Variants in VCAN observed in about 807,000 individuals in gnomAD.
VCAN encodes versican core protein.
Under a neutral mutation model 245.5 loss-of-function variants are expected in VCAN, and 44 were observed. The observed-to-expected ratio is 0.18, with a 90% CI of 0.14 to 0.23. VCAN has a LOEUF of 0.23. VCAN is among the 10% of genes least tolerant of loss of function. The probability of loss-of-function intolerance (pLI) is 1.00; values close to 1 mark genes in which losing one functional copy is unlikely to be tolerated. For synonymous variants in VCAN, 1,413 were observed against 1,437.0 expected (o/e 0.98, Z 0.38); for missense variants, 3,793 against 4,057.9 (o/e 0.93, Z 1.77).
intron 12 of VCAN, among the ~76,000 whole-genome samples, chr5:83,558,010 T>C (rs1000136634): frequency 2.0e-5 from 3 of 152,188 alleles, no homozygotes; most frequent in African/African-American, 7.2e-5. Flanking sequence ...TGCTAAGGAA[T>C]GTCCCTTAAC....
At position 83,548,065 on chromosome 5, in the gene VCAN, T is replaced by C; in HGVS notation, c.9474T>C (p.Val3158=). The C allele has an allele frequency of 6.2e-7, 1 of 1,613,872 alleles. No individual in the cohort carries two copies. Among genetic ancestry groups the C allele is most frequent in the Non-Finnish European group, 8.5e-7 (1 of 1,179,768 alleles). ...TFRCLCLPSY[V]GALCEQDTET... ...GGTGCCTCTGCCTTCCAAGTTATGT[T>C]GGTGCACTTTGTGAGCAAGGTAAGA... Residue 3158 remains valine, a synonymous_variant, in exon 10 of 15, where the codon GTT becomes GTC. Transcript: ENST00000265077.
rs1260428189 is a variant in VCAN at position 83,521,791 on chromosome 5, C to T, written c.3485C>T (p.Thr1162Ile). 1 of 1,614,174 alleles carries T rather than the reference C, an allele frequency of 6.2e-7. No homozygotes were observed. Among genetic ancestry groups the T allele is most frequent in the Admixed American group, 1.7e-5 (1 of 60,018 alleles). Reference protein sequence around the residue: ...SSLSPFSTHITQLMEETTTEK... With the variant: ...SSLSPFSTHIIQLMEETTTEK... ...TTGAGTCCTTTTAGTACCCACATTA[C>T]CCAGCTTATGGAAGAAACCACTACT... Residue 1162 changes from threonine to isoleucine, a missense_variant, in exon 7 of 15, where the codon ACC becomes ATC. Around this residue, in one of 5 missense-constraint regions of VCAN, gnomAD observed 3,182 missense variants for 3,250.3 expected, o/e 0.98. Coordinates refer to ENST00000265077, the MANE Select transcript of VCAN (RefSeq NM_004385.5).
Position 83,552,680 on chromosome 5 carries a change from T to C in VCAN, c.9494-684T>C, listed in dbSNP as rs752272120. Among the ~76,000 whole-genome samples, 11 of 152,144 alleles carry C rather than the reference T, an allele frequency of 7.2e-5. 1 individual carries two copies. The highest frequency in any genetic ancestry group is 1.6e-4 in the Non-Finnish European group (11 of 68,008). On this transcript the variant is annotated intron_variant, in intron 10 of 14. Transcript: ENST00000265077. The stretch of plus-strand genomic sequence containing the variant: ...CACACACACACATATGTATATGACC[T>C]GGTGGAATGGGGGGGTGAGTTAAAT...
chr5:83,490,121 G>T lies in VCAN; in HGVS notation c.94G>T (p.Val32Leu). 6.2e-7 allele frequency: 1 copy of T among 1,614,018 alleles called. No individual in the cohort carries two copies. The highest frequency in any genetic ancestry group is 8.5e-7 in the Non-Finnish European group (1 of 1,180,008). Reference sequence around the variant, plus strand: ...AGTCAAAGTGGGAAAAAGCCCACCGGTGAGGGGCTCCCTCTCTGGAAAAGT... The same window carrying T: ...AGTCAAAGTGGGAAAAAGCCCACCGTTGAGGGGCTCCCTCTCTGGAAAAGT... ...HKVKVGKSPP[V>L]RGSLSGKVSL... Residue 32 changes from valine (V) to leucine (L), a missense_variant, in exon 3 of 15, where the codon GTG becomes TTG. This residue lies in a region of VCAN where 179 missense variants were observed against 169.7 expected (regional missense o/e 1.05). Coordinates refer to ENST00000265077, the MANE Select transcript of VCAN (RefSeq NM_004385.5).
intron 12 of VCAN, among the ~76,000 whole-genome samples, chr5:83,565,073 C>T (rs866215138): frequency 7.2e-5 from 11 of 152,170 alleles, no homozygotes; most frequent in Middle Eastern, 3.4e-3. Flanking sequence ...AGATTTGCCG[C>T]CCCAGTTATA....
intron 2 of VCAN, among the ~76,000 whole-genome samples, chr5:83,486,644 A>G (rs1246369292): frequency 5.3e-5 from 8 of 152,200 alleles, no homozygotes; most frequent in African/African-American, 1.9e-4. Flanking sequence ...CTTTCCACTT[A>G]AAGAAAGAAC....
rs886060819 is a variant in VCAN, at chr5:83,521,243, C to T, written c.2937C>T (p.Pro979=). The T allele has an allele frequency of 2.5e-6, 4 of 1,614,036 alleles. No homozygotes were observed. The highest frequency in any genetic ancestry group is 1.6e-4 in the Middle Eastern group (1 of 6,062). Residue 979 remains proline, a synonymous_variant, in exon 7 of 15, where the codon CCC becomes CCT. Transcript: ENST00000265077. Reference sequence around the variant, plus strand: ...ATACCATTCCTCTTTCTGTAATTCCCAAGACAGACTGGGGAGTGTTAGTAC... The same window carrying T: ...ATACCATTCCTCTTTCTGTAATTCCTAAGACAGACTGGGGAGTGTTAGTAC... ...SSHTIPLSVI[P]KTDWGVLVPS... is the part of the protein sequence containing the mutation.
At chr5:83,479,178 C>T (rs776290455) in intron 1 of VCAN, among the ~76,000 whole-genome samples, 6 of 152,090 alleles carry the variant, frequency 3.9e-5, no homozygotes, top group Non-Finnish European at 8.8e-5. Context: ...TCATTACATC[C>T]ACTTTGTAGC....
intron 13 of VCAN, among the ~76,000 whole-genome samples, chr5:83,573,960 A>C (rs188872132): frequency 4.6e-5 from 7 of 152,328 alleles, no homozygotes; most frequent in African/African-American, 1.7e-4. Flanking sequence ...GGAAGTTTCA[A>C]TATTTTTATA....
In VCAN at chr5:83,571,170, GAACA is replaced by G. The variant is rs146681500; in HGVS notation, c.9736-1238_9736-1235del. On this transcript the variant is annotated intron_variant, in intron 12 of 14. Coordinates refer to ENST00000265077, the MANE Select transcript of VCAN (RefSeq NM_004385.5). Reference sequence around the variant, plus strand: ...GCTCAAATTGACCCAGAAAGGCGCTGAACAAACAAACTTGTCTCATACCACATTC... The same window carrying G: ...GCTCAAATTGACCCAGAAAGGCGCTGAACAAACTTGTCTCATACCACATTC... Among the ~76,000 whole-genome samples the G allele has an allele frequency of 1.5e-3, 235 of 152,286 alleles. 1 individual carries two copies. Among genetic ancestry groups the G allele is most frequent in the African/African-American group, 5.4e-3 (224 of 41,564 alleles).
intron 1 of VCAN, 135 bp from the exon 2 acceptor site, chr5:83,483,378 A>T (rs535680684): frequency 1.4e-6 from 1 of 701,648 alleles, no homozygotes; most frequent in African/African-American, 1.8e-5. Context: ...GTCCAAGAGG[A>T]GCTACTTCTT....
At chr5:83,545,420 C>A in intron 8 of VCAN, 117 bp from the exon 9 acceptor site, 1 of 831,050 alleles carries the variant, frequency 1.2e-6, no homozygotes, top group South Asian at 1.3e-5. Context: ...TGTAGTAACT[C>A]TAAATTGCTA....
At chr5:83,568,013 C>G (rs562599744) in intron 12 of VCAN, among the ~76,000 whole-genome samples, 1 of 152,192 alleles carries the variant, frequency 6.6e-6, no homozygotes, top group African/African-American at 2.4e-5. Context: ...ATATGAGACA[C>G]CATATTGTGC....
chr5:83,475,740 C>T (rs937545129), intron 1 of VCAN, among the ~76,000 whole-genome samples: 2 of 152,150 alleles, frequency 1.3e-5, no homozygotes, highest in Admixed American at 6.5e-5. Flanking sequence ...TGTGATTGAG[C>T]AATTACTTCC....
chr5:83,552,648 A>G (rs1382587801), intron 10 of VCAN, among the ~76,000 whole-genome samples: 2 of 150,910 alleles, frequency 1.3e-5, no homozygotes, highest in African/African-American at 5.0e-5. Flanking sequence ...AAACACACAC[A>G]CAGACACACA....
rs377403140 is a variant in VCAN, at chr5:83,572,699, T to C, written c.9880+139T>C. ...TATGTCATCTCTCGTTGCTCTGGAA[T>C]ATTTCACTCTTCCAAAACAATTGAA... On this transcript the variant is annotated intron_variant, in intron 13 of 14. Coordinates refer to ENST00000265077, the MANE Select transcript of VCAN (RefSeq NM_004385.5). 763 of 1,149,330 alleles carry C rather than the reference T, an allele frequency of 6.6e-4. 19 individuals are homozygous for C. In the South Asian group the frequency reaches 9.8e-3, roughly 15 times the overall value. The allele number at this position is 1,149,330 out of a possible 1,614,324, so 71.2% of individuals were successfully genotyped here.
Position 83,537,180 on chromosome 5 carries a change from G to A in VCAN, c.4177G>A (p.Glu1393Lys). Reference sequence around the variant, plus strand: ...CCACAGTGAAGAAAATGAAGAAGAAGAAGAAGAGTGTGCAAATGCTACTGA... The same window carrying A: ...CCACAGTGAAGAAAATGAAGAAGAAAAAGAAGAGTGTGCAAATGCTACTGA... Reference protein sequence around the residue: ...LYHSEENEEEEEECANATDVT... With the variant: ...LYHSEENEEEKEECANATDVT... The change falls in exon 8 of 15, where the codon GAA (glutamate) becomes AAA (lysine). Residue 1393 changes from glutamate (E) to lysine (K), a missense_variant. Glu to Lys is a moderately conservative substitution (Grantham distance 56). Coordinates refer to ENST00000265077, the MANE Select transcript of VCAN (RefSeq NM_004385.5). The A allele has an allele frequency of 6.2e-7, 1 of 1,613,724 alleles. No individual in the cohort carries two copies. Among genetic ancestry groups the A allele is most frequent in the Non-Finnish European group, 8.5e-7 (1 of 1,179,890 alleles).
chr5:83,547,543 G>C (rs1196222865), intron 9 of VCAN, among the ~76,000 whole-genome samples: 1 of 152,170 alleles, frequency 6.6e-6, no homozygotes, highest in East Asian at 1.9e-4. Context: ...GGGATGGTGA[G>C]GCCAGTTAGA....
chr5:83,512,200 A>G lies in VCAN; in HGVS notation c.846A>G (p.Glu282=). 1 of 1,614,012 alleles carries G rather than the reference A, an allele frequency of 6.2e-7. No individual in the cohort carries two copies. The highest frequency in any genetic ancestry group is 8.5e-7 in the Non-Finnish European group (1 of 1,179,980). ...NQDARLATVG[E]LQAAWRNGFD... is the part of the protein sequence containing the mutation. The stretch of plus-strand genomic sequence containing the variant: ...ATGCCAGGCTGGCAACAGTGGGGGA[A>G]CTCCAGGCGGCATGGAGGAACGGCT... The change falls in exon 6 of 15, where the codon GAA becomes GAG. Residue 282 remains glutamate, a synonymous_variant. Transcript: ENST00000265077.
Sources: allele counts gnomAD v4.1 joint callset (sites outside exome capture counted in the v4.1 genomes callset), GRCh38; gene constraint gnomAD v4.1.1; regional missense constraint gnomAD v4.1.1; transcripts MANE v1.5; gene names NCBI Gene and HGNC (gene_info 2026-07-23, HGNC 2026-07-21).